RARB: variants seen among roughly 807,000 people sequenced by gnomAD.
RARB encodes the protein retinoic acid receptor beta, also known as HBV-activated protein.
In RARB, 17 loss-of-function variants were observed where a neutral mutation model predicts 51.9. That is an observed-to-expected ratio of 0.33 (90% confidence interval 0.22 to 0.49). The LOEUF (loss-of-function observed/expected upper bound fraction) is 0.49, where lower values mean the gene tolerates loss of function less well. Among genes scored for constraint, RARB ranks in the 20% least tolerant of loss-of-function variants. The pLI is 0.99. For synonymous variants in RARB, 215 were observed against 195.4 expected (o/e 1.10, Z -0.84); for missense variants, 369 against 550.8 (o/e 0.67, Z 3.30).
At chr3:25,532,811 A>G (rs937276275) in intron 3 of RARB, among the ~76,000 whole-genome samples, 9 of 152,250 alleles carry the variant, frequency 5.9e-5, no homozygotes, top group Admixed American at 5.2e-4. Context: ...CCGAGCCACA[A>G]GATGAGAGAA....
intron 2 of RARB, among the ~76,000 whole-genome samples, chr3:24,974,413 C>G (rs1696466124): frequency 6.6e-6 from 1 of 151,998 alleles, no homozygotes; most frequent in Admixed American, 6.6e-5. Flanking sequence ...AGGAGCCCAC[C>G]TGGAGGATAA....
chr3:25,094,139 A>G lies in RARB; in HGVS notation c.-328+33963A>G, dbSNP rs191336430. 5.3e-5 allele frequency among the ~76,000 whole-genome samples: 8 copies of G among 152,286 alleles called. No individual in the cohort carries two copies. In the East Asian group the frequency reaches 9.7e-4, roughly 18 times the overall value. On this transcript the variant is annotated intron_variant, in intron 3 of 11. Transcript: ENST00000383772. Reference sequence around the variant, plus strand: ...TTAAGAACTAGCCATTGAGTTACTTAAACTGAGTTGAATCTTCACATGTTT... The same window carrying G: ...TTAAGAACTAGCCATTGAGTTACTTGAACTGAGTTGAATCTTCACATGTTT...
At chr3:25,141,755 A>T (rs2125337214) in intron 4 of RARB, among the ~76,000 whole-genome samples, 1 of 152,348 alleles carries the variant, frequency 6.6e-6, no homozygotes, top group Admixed American at 6.5e-5. Context: ...CCTAAGGTGA[A>T]TTCTAAGAAG....
intron 2 of RARB, among the ~76,000 whole-genome samples, chr3:25,054,481 G>C (rs1479246571): frequency 6.6e-6 from 1 of 152,128 alleles, no homozygotes; most frequent in Non-Finnish European, 1.5e-5. Flanking sequence ...GTGGTGTTTG[G>C]TGTGAACCAT....
At chr3:24,856,524 C>G (rs966211053) in intron 1 of RARB, among the ~76,000 whole-genome samples, 1 of 152,172 alleles carries the variant, frequency 6.6e-6, no homozygotes, top group Non-Finnish European at 1.5e-5. Flanking sequence ...CACTCAACAC[C>G]TCTCTCCTGA....
intron 2 of RARB, among the ~76,000 whole-genome samples, chr3:25,028,776 G>C (rs1697806725): frequency 6.6e-6 from 1 of 152,162 alleles, no homozygotes; most frequent in South Asian, 2.1e-4. Context: ...CTTTGAGGAA[G>C]TCTTGTAACT....
At chr3:25,315,146 G>A (rs2125435946) in intron 5 of RARB, among the ~76,000 whole-genome samples, 1 of 152,244 alleles carries the variant, frequency 6.6e-6, no homozygotes, top group Admixed American at 6.5e-5. Flanking sequence ...ATTCTTAAGA[G>A]TACGGGGCAG....
intron 4 of RARB, among the ~76,000 whole-genome samples, chr3:25,140,430 A>G (rs1006804313): frequency 6.6e-6 from 1 of 152,164 alleles, no homozygotes; most frequent in African/African-American, 2.4e-5. Flanking sequence ...GATGTGGTGA[A>G]AATAGCAAGA....
intron 4 of RARB, among the ~76,000 whole-genome samples, chr3:25,139,054 T>TG (rs1700073013): frequency 6.6e-6 from 1 of 152,142 alleles, no homozygotes; most frequent in Admixed American, 6.6e-5. Context: ...CCATTTAAGA[T>TG]GGGGAACTTA....
At chr3:24,909,249 G>A (rs1340445461) in intron 2 of RARB, among the ~76,000 whole-genome samples, 1 of 152,066 alleles carries the variant, frequency 6.6e-6, no homozygotes, top group Non-Finnish European at 1.5e-5. Context: ...TGAACCACTA[G>A]GGCACTTATC....
intron 5 of RARB, among the ~76,000 whole-genome samples, chr3:25,291,313 A>G (rs1455163046): frequency 6.6e-6 from 1 of 152,200 alleles, no homozygotes; most frequent in Non-Finnish European, 1.5e-5. Context: ...TGTAAGCAAT[A>G]AACTGCACTT....
chr3:25,174,493 C>T (rs1457610091), exon 5 of RARB: 12 of 1,352,052 alleles, frequency 8.9e-6, no homozygotes, highest in Non-Finnish European at 1.2e-5. Context: ...TTCCACCTGT[C>T]ATCGGAGGAC....
intron 5 of RARB, among the ~76,000 whole-genome samples, chr3:25,231,424 A>G (rs1333819118): frequency 6.6e-6 from 1 of 152,152 alleles, no homozygotes; most frequent in Non-Finnish European, 1.5e-5. Context: ...AGTCAAACCA[A>G]GAAATCCTTA....
chr3:24,900,005 AT>A (rs1368468002), intron 2 of RARB, among the ~76,000 whole-genome samples: 4 of 151,992 alleles, frequency 2.6e-5, no homozygotes, highest in African/African-American at 9.7e-5. Flanking sequence ...GCATTTTTTC[AT>A]TTGGACAGCA....
intron 3 of RARB, among the ~76,000 whole-genome samples, chr3:25,569,273 CA>C: frequency 6.6e-6 from 1 of 152,324 alleles, no homozygotes; most frequent in East Asian, 1.9e-4. Flanking sequence ...TGAGTTTCTT[CA>C]AAAGTGCCTG....
chr3:25,000,428 C>T (rs965620119), intron 2 of RARB, among the ~76,000 whole-genome samples: 13 of 152,104 alleles, frequency 8.5e-5, no homozygotes, highest in Admixed American at 3.3e-4. Flanking sequence ...CTCCTACTTA[C>T]TTACAGAGAG....
chr3:25,377,156 G>A (rs1012469903), intron 5 of RARB, among the ~76,000 whole-genome samples: 3 of 151,492 alleles, frequency 2.0e-5, no homozygotes, highest in African/African-American at 4.8e-5. Flanking sequence ...ATAGTAAATT[G>A]TGTTAATAAC....
At chr3:25,545,000 C>T (rs1198967557) in intron 3 of RARB, among the ~76,000 whole-genome samples, 1 of 152,142 alleles carries the variant, frequency 6.6e-6, no homozygotes, top group African/African-American at 2.4e-5. Flanking sequence ...CTCGTTCTGT[C>T]GCCCAGGCTG....
chr3:25,329,783 T>G (rs571465130), intron 5 of RARB, among the ~76,000 whole-genome samples: 1 of 152,090 alleles, frequency 6.6e-6, no homozygotes, highest in African/African-American at 2.4e-5. Flanking sequence ...ATTAGACAAA[T>G]GGCTAACTAG....
Sources: gnomAD v4.1 joint callset for allele counts (sites outside exome capture counted in the v4.1 genomes callset) on GRCh38, gnomAD v4.1.1 for gene constraint, MANE v1.5 for transcripts, NCBI Gene and HGNC (gene_info 2026-07-23, HGNC 2026-07-21) for gene names.